The following NRG3 variants were observed in gnomAD, a reference collection of about 807,000 sequenced individuals.
NRG3 encodes pro-neuregulin-3, membrane-bound isoform.
Under a neutral mutation model 66.9 loss-of-function variants are expected in NRG3, and 31 were observed. The observed-to-expected ratio is 0.46, with a 90% confidence interval of 0.35 to 0.63. The LOEUF (loss-of-function observed/expected upper bound fraction) is 0.63. Among genes scored for constraint, NRG3 ranks in the 20% least tolerant of loss-of-function variants. The probability of loss-of-function intolerance (pLI) is 0.00; values close to 1 mark genes in which losing one functional copy is unlikely to be tolerated. For synonymous variants in NRG3, 393 were observed against 359.4 expected (o/e 1.09, Z -1.06); for missense variants, 910 against 878.9 (o/e 1.04, Z -0.45).
rs187484520 is a variant in NRG3, at chr10:82,155,564, G to A, written c.824-203175G>A. On this transcript the variant is annotated intron_variant, in intron 1 of 8. Coordinates refer to ENST00000372141, the MANE Select transcript of NRG3 (RefSeq NM_001010848.4). ...TAAAAATGCTAATTACAAACATATC[G>A]TAATAAAAAGGGTATGGCTTAATGC... Among the ~76,000 whole-genome samples, 672 of 151,588 alleles carry A rather than the reference G, an allele frequency of 4.4e-3. 3 individuals are homozygous for A. The highest frequency in any genetic ancestry group is 7.4e-3 in the Non-Finnish European group (498 of 67,648).
chr10:82,358,297 C>T (rs983320962), intron 1 of NRG3, among the ~76,000 whole-genome samples: 3 of 151,786 alleles, frequency 2.0e-5, no homozygotes, highest in Admixed American at 2.0e-4. Flanking sequence ...AAAAAAAAAT[C>T]CCCCAAACTG....
intron 2 of NRG3, among the ~76,000 whole-genome samples, chr10:82,364,720 T>C (rs1468337068): frequency 2.0e-5 from 3 of 152,222 alleles, no homozygotes; most frequent in Non-Finnish European, 4.4e-5. Context: ...TTGGAAAGGA[T>C]AGCATTTAAG....
Position 82,851,030 on chromosome 10 carries a change from A to C in NRG3, c.1028-14381A>C, listed in dbSNP as rs147064428. ...CAGCTGCATCTCTAAAATGGGAATA[A>C]AAATAGAACCGACTTTATAATATTG... On this transcript the variant is annotated intron_variant, in intron 3 of 8. Coordinates refer to ENST00000372141, the MANE Select transcript of NRG3 (RefSeq NM_001010848.4). 2.4e-3 allele frequency among the ~76,000 whole-genome samples: 367 copies of C among 152,316 alleles called. 5 individuals are homozygous for C. The highest frequency in any genetic ancestry group is 8.2e-3 in the African/African-American group (341 of 41,570).
chr10:82,594,702 G>T (rs1201323949), intron 2 of NRG3, among the ~76,000 whole-genome samples: 1 of 151,878 alleles, frequency 6.6e-6, no homozygotes, highest in South Asian at 2.1e-4. Flanking sequence ...CTAGATTCTA[G>T]CTGTAGCCTC....
chr10:82,946,815 T>G (rs1564654629), intron 4 of NRG3, among the ~76,000 whole-genome samples: 1 of 152,142 alleles, frequency 6.6e-6, no homozygotes, highest in Non-Finnish European at 1.5e-5. Context: ...GCCTGCTACA[T>G]GGAGAATGGT....
In NRG3 at chr10:82,010,836, C is replaced by A. The variant is rs548880242; in HGVS notation, c.823+134673C>A. Among the ~76,000 whole-genome samples, 3 of 152,196 alleles carry A rather than the reference C, an allele frequency of 2.0e-5. No individual in the cohort carries two copies. The East Asian group carries it at 5.8e-4, about 29-fold the overall frequency. ...AAACTCAGGGTCCTGCAGGGATGTG[C>A]CTCTTTTGGAAGGGCAAGAAACCTC... On this transcript the variant is annotated intron_variant, in intron 1 of 8. Transcript: ENST00000372141.
chr10:82,252,749 G>C (rs1564713493), intron 1 of NRG3, among the ~76,000 whole-genome samples: 1 of 152,078 alleles, frequency 6.6e-6, no homozygotes, highest in African/African-American at 2.4e-5. Context: ...TTCTGGATTG[G>C]AGAGTATAAT....
intron 1 of NRG3, among the ~76,000 whole-genome samples, chr10:82,251,517 C>T (rs2077488100): frequency 6.6e-6 from 1 of 152,112 alleles, no homozygotes; most frequent in Non-Finnish European, 1.5e-5. Context: ...CACTCTCCTG[C>T]CTTGAGTCTT....
intron 4 of NRG3, among the ~76,000 whole-genome samples, chr10:82,889,815 C>T (rs1842996055): frequency 6.6e-6 from 1 of 152,170 alleles, no homozygotes; most frequent in African/African-American, 2.4e-5. Flanking sequence ...TTTCTGATGG[C>T]TCTACAGTTG....
At chr10:82,870,431 C>G (rs1315419720) in intron 4 of NRG3, among the ~76,000 whole-genome samples, 1 of 152,140 alleles carries the variant, frequency 6.6e-6, no homozygotes, top group Non-Finnish European at 1.5e-5. Flanking sequence ...AAATTTTCAA[C>G]TTTTTGGTGT....
chr10:82,746,931 A>T (rs1012030068), intron 3 of NRG3, among the ~76,000 whole-genome samples: 1 of 152,074 alleles, frequency 6.6e-6, no homozygotes, highest in African/African-American at 2.4e-5. Flanking sequence ...AAAATAAAAT[A>T]AAATAGCCAG....
chr10:82,975,922 CAG>C (rs1292442943), intron 7 of NRG3, among the ~76,000 whole-genome samples: 1 of 152,106 alleles, frequency 6.6e-6, no homozygotes, highest in East Asian at 1.9e-4. Context: ...ATATATGAAA[CAG>C]AGCTATTAAT....
At chr10:82,517,552 A>C (rs948206929) in intron 2 of NRG3, among the ~76,000 whole-genome samples, 5 of 151,978 alleles carry the variant, frequency 3.3e-5, no homozygotes, top group Non-Finnish European at 1.5e-5. Context: ...GTTAGGAAGA[A>C]ATCTTCTTAA....
At chr10:82,862,549 G>T (rs1243582301) in intron 3 of NRG3, among the ~76,000 whole-genome samples, 1 of 152,108 alleles carries the variant, frequency 6.6e-6, no homozygotes, top group Non-Finnish European at 1.5e-5. Context: ...AGTATTTTAT[G>T]AATATGTCTG....
chr10:82,452,991 G>A (rs1222678333), intron 2 of NRG3, among the ~76,000 whole-genome samples: 2 of 152,092 alleles, frequency 1.3e-5, no homozygotes, highest in African/African-American at 4.8e-5. Context: ...CTCAGGGGAT[G>A]CCCCAGAGAC....
intron 3 of NRG3, among the ~76,000 whole-genome samples, chr10:82,764,593 C>T (rs1025687655): frequency 1.4e-4 from 21 of 151,794 alleles, no homozygotes; most frequent in African/African-American, 4.8e-4. Context: ...GAACTCCTGA[C>T]CTCAGGTGAT....
intron 5 of NRG3, among the ~76,000 whole-genome samples, chr10:82,952,793 C>CA (rs940963652): frequency 6.6e-6 from 1 of 151,786 alleles, no homozygotes; most frequent in African/African-American, 2.4e-5. Context: ...TGTTGATTCT[C>CA]AAAGAAAACT....
At chr10:82,275,265 C>G (rs1202717839) in intron 1 of NRG3, among the ~76,000 whole-genome samples, 3 of 151,900 alleles carry the variant, frequency 2.0e-5, no homozygotes, top group African/African-American at 7.2e-5. Context: ...TTATTTATTG[C>G]TTACCAGAAT....
intron 1 of NRG3, among the ~76,000 whole-genome samples, chr10:82,033,298 C>A (rs1381766726): frequency 6.6e-6 from 1 of 152,118 alleles, no homozygotes; most frequent in African/African-American, 2.4e-5. Flanking sequence ...GTAGACAATG[C>A]AGTTTTCCCT....
Sources: allele counts gnomAD v4.1 joint callset (sites outside exome capture counted in the v4.1 genomes callset), GRCh38; gene constraint gnomAD v4.1.1; transcripts MANE v1.5; gene names NCBI Gene and HGNC (gene_info 2026-07-23, HGNC 2026-07-21).